Variants in LRRC37A2 observed in about 807,000 individuals in gnomAD.
LRRC37A2 encodes leucine rich repeat containing 37 member A2.
LRRC37A2 carries 9 observed loss-of-function variants against 68.8 expected under a neutral mutation model. That is an observed-to-expected ratio of 0.13 (90% CI 0.08 to 0.23). The LOEUF is 0.23. Among genes scored for constraint, LRRC37A2 ranks in the 10% least tolerant of loss-of-function variants. LRRC37A2 has a pLI of 1.00. For missense variants in LRRC37A2, 168 were observed against 950.4 expected, an observed-to-expected ratio of 0.18 and a Z score of 10.82; for synonymous variants, 63 against 367.6, an observed-to-expected ratio of 0.17 and a Z score of 9.48.
the LRRC37A2 span, among the ~76,000 whole-genome samples, chr17:47,012,824 A>G: frequency 2.0e-5 from 3 of 152,192 alleles, no homozygotes; most frequent in African/African-American, 4.8e-5. Context: ...TAGGCCTCAA[A>G]AGCTTAAACC....
chr17:46,806,196 T>C, the LRRC37A2 span, among the ~76,000 whole-genome samples: 6 of 144,512 alleles, frequency 4.2e-5, no homozygotes, highest in African/African-American at 1.3e-4. Flanking sequence ...TTCTTTTTTC[T>C]TTTTCTTTTC....
At chr17:46,861,067 A>G in the LRRC37A2 span, among the ~76,000 whole-genome samples, 1 of 152,208 alleles carries the variant, frequency 6.6e-6, no homozygotes, top group African/African-American at 2.4e-5. Flanking sequence ...GGAAACTGTC[A>G]GAATCCAAGC....
At chr17:46,767,696 A>C in the LRRC37A2 span, among the ~76,000 whole-genome samples, 2 of 152,208 alleles carry the variant, frequency 1.3e-5, no homozygotes, top group African/African-American at 4.8e-5. Flanking sequence ...CTATGCAAAA[A>C]TTTGATCTGG....
the LRRC37A2 span, among the ~76,000 whole-genome samples, chr17:46,495,378 T>G: frequency 6.7e-6 from 1 of 149,498 alleles, no homozygotes; most frequent in African/African-American, 2.6e-5. Flanking sequence ...CTTTATGCGT[T>G]TTTTTGTTTT....
chr17:46,876,914 CA>C, the LRRC37A2 span: 46 of 1,359,458 alleles, frequency 3.4e-5, no homozygotes, highest in South Asian at 2.6e-4. Flanking sequence ...CAAAGAGAAG[CA>C]AAGCCTCCTC....
At chr17:46,754,697 C>G in the LRRC37A2 span, among the ~76,000 whole-genome samples, 22 of 152,204 alleles carry the variant, frequency 1.4e-4, no homozygotes, top group African/African-American at 4.6e-4. Flanking sequence ...GTTGCGCCAT[C>G]TTTTCTTAGA....
the LRRC37A2 span, among the ~76,000 whole-genome samples, chr17:46,403,464 C>T: frequency 3.6e-5 from 2 of 55,474 alleles, no homozygotes; most frequent in Admixed American, 3.3e-4. Context: ...GCTGAGAATG[C>T]GCCACTGCAT....
the LRRC37A2 span, among the ~76,000 whole-genome samples, chr17:46,963,412 G>A: frequency 8.5e-5 from 13 of 152,152 alleles, no homozygotes; most frequent in Non-Finnish European, 1.5e-4. Context: ...GGGTGTGGTG[G>A]TGGGTGTCTG....
the LRRC37A2 span, among the ~76,000 whole-genome samples, chr17:46,708,997 G>T: frequency 6.6e-6 from 1 of 151,162 alleles, no homozygotes; most frequent in Non-Finnish European, 1.5e-5. Context: ...ACTAATTTTT[G>T]TATTTTTAGT....
At chr17:46,549,135 T>C (rs377282028) in exon 10 of LRRC37A2, 3 of 1,611,586 alleles carry the variant, frequency 1.9e-6, no homozygotes, top group Non-Finnish European at 1.7e-6. Context: ...AGAAAAGTTA[T>C]CTGAGTAGAC....
intron 8 of LRRC37A2, among the ~76,000 whole-genome samples, chr17:46,542,671 G>T (rs1224093417): frequency 6.7e-6 from 1 of 150,206 alleles, no homozygotes; most frequent in East Asian, 1.9e-4. Flanking sequence ...CTCCAGCTTG[G>T]GTGACAGAGC....
the LRRC37A2 span, among the ~76,000 whole-genome samples, chr17:46,785,082 T>A: frequency 6.6e-6 from 1 of 152,126 alleles, no homozygotes; most frequent in Non-Finnish European, 1.5e-5. Flanking sequence ...CGGCCTCCCC[T>A]TTTTGCTTTT....
At chr17:47,047,492 C>A in the LRRC37A2 span, among the ~76,000 whole-genome samples, 2 of 145,830 alleles carry the variant, frequency 1.4e-5, no homozygotes, top group Non-Finnish European at 3.0e-5. Flanking sequence ...CACAAAGGAC[C>A]AAGACAAAGG....
At chr17:46,896,446 GA>G in the LRRC37A2 span, among the ~76,000 whole-genome samples, 434 of 86,534 alleles carry the variant, frequency 5.0e-3, 6 homozygotes, top group African/African-American at 0.036. Flanking sequence ...AAGAAAGAAA[GA>G]AAGAAAAAGA....
chr17:46,728,643 G>A, the LRRC37A2 span, among the ~76,000 whole-genome samples: 1 of 151,466 alleles, frequency 6.6e-6, no homozygotes, highest in African/African-American at 2.4e-5. Flanking sequence ...AAGCATTTAG[G>A]TTATTAGAGA....
At chr17:46,742,605 G>C in the LRRC37A2 span, among the ~76,000 whole-genome samples, 1 of 152,200 alleles carries the variant, frequency 6.6e-6, no homozygotes, top group African/African-American at 2.4e-5. Context: ...ATGGAGGTAT[G>C]TGGGGATTGA....
chr17:46,932,590 G>A, the LRRC37A2 span: 2 of 447,362 alleles, frequency 4.5e-6, no homozygotes, highest in Non-Finnish European at 8.0e-6. Flanking sequence ...AGTTGCCATT[G>A]TGCCGAGTAT....
the LRRC37A2 span, among the ~76,000 whole-genome samples, chr17:46,852,327 C>G: frequency 6.6e-6 from 1 of 151,932 alleles, no homozygotes; most frequent in Admixed American, 6.6e-5. Flanking sequence ...GAAATGCGAC[C>G]ACATCTCAGA....
At chr17:46,803,518 G>A in the LRRC37A2 span, among the ~76,000 whole-genome samples, 1 of 152,124 alleles carries the variant, frequency 6.6e-6, no homozygotes. Context: ...AACAGTGCAA[G>A]ACTATGTCTC....
Sources: gnomAD v4.1 joint callset for allele counts (sites outside exome capture counted in the v4.1 genomes callset) on GRCh38, gnomAD v4.1.1 for gene constraint, MANE v1.5 for transcripts, NCBI Gene and HGNC (gene_info 2026-07-23, HGNC 2026-07-21) for gene names.